Variants in ADGRL2 observed in about 807,000 individuals in gnomAD.
ADGRL2 encodes adhesion G protein-coupled receptor L2, also known as calcium-independent alpha-latrotoxin receptor 2.
Under a neutral mutation model 157.4 loss-of-function variants are expected in ADGRL2, and 44 were observed. The observed-to-expected ratio is 0.28, with a 90% CI of 0.22 to 0.36. The LOEUF (loss-of-function observed/expected upper bound fraction) is 0.36. Among genes scored for constraint, ADGRL2 ranks in the 10% least tolerant of loss-of-function variants. The pLI, the probability that ADGRL2 is intolerant of heterozygous loss-of-function variation, is 1.00. For synonymous variants in ADGRL2, 585 were observed against 624.7 expected, an observed-to-expected ratio of 0.94 and a Z score of 0.95; for missense variants, 1,510 against 1,768.9, an observed-to-expected ratio of 0.85 and a Z score of 2.63.
At chr1:81,356,449 T>G (rs1228623376) in intron 1 of ADGRL2, among the ~76,000 whole-genome samples, 1 of 152,206 alleles carries the variant, frequency 6.6e-6, no homozygotes, top group Non-Finnish European at 1.5e-5. Flanking sequence ...AACTAACTTT[T>G]TTTTTGTAAG....
At chr1:81,853,454 CT>C (rs2093089381) in intron 2 of ADGRL2, among the ~76,000 whole-genome samples, 1 of 152,116 alleles carries the variant, frequency 6.6e-6, no homozygotes, top group Admixed American at 6.6e-5. Flanking sequence ...GTTTTACCCC[CT>C]AATGTCCTGA....
intron 2 of ADGRL2, among the ~76,000 whole-genome samples, chr1:81,853,953 T>C (rs934258148): frequency 6.6e-6 from 1 of 152,174 alleles, no homozygotes; most frequent in Admixed American, 6.6e-5. Context: ...TTTAATAAGT[T>C]GGATCACAGA....
At chr1:81,519,011 G>A (rs1401650840) in intron 2 of ADGRL2, among the ~76,000 whole-genome samples, 2 of 151,950 alleles carry the variant, frequency 1.3e-5, no homozygotes, top group African/African-American at 2.4e-5. Flanking sequence ...ATTTCCCTAT[G>A]TATTTACTCA....
At chr1:81,315,955 G>A (rs1660075994) in intron 1 of ADGRL2, among the ~76,000 whole-genome samples, 1 of 152,014 alleles carries the variant, frequency 6.6e-6, no homozygotes, top group Admixed American at 6.6e-5. Flanking sequence ...TAAGTTCTGA[G>A]ACATTGACAT....
intron 2 of ADGRL2, among the ~76,000 whole-genome samples, chr1:81,458,898 C>T (rs577589238): frequency 1.1e-4 from 16 of 152,300 alleles, no homozygotes; most frequent in East Asian, 7.7e-4. Context: ...CAGCAAGTTC[C>T]GGATTCTTGT....
intron 3 of ADGRL2, among the ~76,000 whole-genome samples, chr1:81,924,764 C>A (rs2095066412): frequency 6.6e-6 from 1 of 152,002 alleles, no homozygotes; most frequent in South Asian, 2.1e-4. Flanking sequence ...TACTATAATT[C>A]CAGACCTGTC....
chr1:81,802,734 A>G (rs1014043249), intron 1 of ADGRL2, among the ~76,000 whole-genome samples: 1 of 152,012 alleles, frequency 6.6e-6, no homozygotes, highest in Admixed American at 6.5e-5. Flanking sequence ...CCGGTCCCGC[A>G]CTGTAAGTGG....
At chr1:81,890,206 G>A (rs1246675366) in intron 2 of ADGRL2, among the ~76,000 whole-genome samples, 1 of 152,050 alleles carries the variant, frequency 6.6e-6, no homozygotes, top group Non-Finnish European at 1.5e-5. Context: ...CAGATAGAAG[G>A]GCATTCCAAG....
intron 2 of ADGRL2, among the ~76,000 whole-genome samples, chr1:81,467,866 A>T (rs1353250219): frequency 1.5e-5 from 2 of 132,220 alleles, no homozygotes; most frequent in Non-Finnish European, 3.1e-5. Flanking sequence ...AATGTTAAAA[A>T]TGTTATGAAG....
intron 3 of ADGRL2, among the ~76,000 whole-genome samples, chr1:81,917,031 C>G (rs2094873390): frequency 6.6e-6 from 1 of 151,610 alleles, no homozygotes; most frequent in Admixed American, 6.6e-5. Context: ...CATGGTCTCA[C>G]TATGTTGCCC....
chr1:81,465,335 T>A (rs952066797), intron 2 of ADGRL2, among the ~76,000 whole-genome samples: 3 of 152,182 alleles, frequency 2.0e-5, no homozygotes, highest in Non-Finnish European at 4.4e-5. Flanking sequence ...AAATTAGATA[T>A]CAGAAATTAA....
chr1:81,533,650 T>C (rs2079659980), intron 2 of ADGRL2, among the ~76,000 whole-genome samples: 1 of 152,190 alleles, frequency 6.6e-6, no homozygotes, highest in African/African-American at 2.4e-5. Context: ...AGCATTTAGA[T>C]TAATTTTATC....
In ADGRL2 at chr1:81,742,434, T is replaced by A. The variant is rs187366491; in HGVS notation, c.-142-19377T>A. The stretch of plus-strand genomic sequence containing the variant: ...GAAAACATTTCAATTTTCAAATCCA[T>A]CCCTTTACTATCATACTTTAGACTA... On this transcript the variant is annotated intron_variant, in intron 1 of 20. Coordinates refer to the ADGRL2 transcript ENST00000359929. 2.6e-3 allele frequency among the ~76,000 whole-genome samples: 398 copies of A among 152,144 alleles called. 9 individuals are homozygous for A. The highest frequency in any genetic ancestry group is 0.024 in the Admixed American group (367 of 15,268).
intron 2 of ADGRL2, chr1:81,501,749 T>C: frequency 6.2e-7 from 1 of 1,610,666 alleles, no homozygotes; most frequent in Non-Finnish European, 8.5e-7. Context: ...TGCCACTCTG[T>C]GGGTGAAGCT....
chr1:81,987,831 C>G (rs769669051), intron 22 of ADGRL2, 38 bp from the exon 23 acceptor site: 1 of 300,832 alleles, frequency 3.3e-6, no homozygotes, highest in Non-Finnish European at 7.0e-6. Flanking sequence ...TCTTTTCATT[C>G]TCTTGTTTTT....
intron 3 of ADGRL2, among the ~76,000 whole-genome samples, chr1:81,641,837 G>A (rs2082224353): frequency 6.6e-6 from 1 of 151,916 alleles, no homozygotes; most frequent in Non-Finnish European, 1.5e-5. Context: ...CATTAGAGCA[G>A]AAATTAATCA....
intron 6 of ADGRL2, among the ~76,000 whole-genome samples, chr1:81,947,533 A>T (rs1325094793): frequency 6.6e-6 from 1 of 152,164 alleles, no homozygotes; most frequent in Non-Finnish European, 1.5e-5. Flanking sequence ...TATAGTACCT[A>T]CTTCATGGAG....
At chr1:81,454,033 GC>G (rs2077752079) in intron 2 of ADGRL2, among the ~76,000 whole-genome samples, 1 of 152,146 alleles carries the variant, frequency 6.6e-6, no homozygotes, top group Non-Finnish European at 1.5e-5. Flanking sequence ...GACTTAAGGT[GC>G]CGGCAAATAA....
intron 2 of ADGRL2, among the ~76,000 whole-genome samples, chr1:81,536,417 A>C (rs928166400): frequency 1.3e-5 from 2 of 152,150 alleles, no homozygotes; most frequent in Non-Finnish European, 2.9e-5. Flanking sequence ...GATTTCTCCT[A>C]TTTATTTACC....
Sources: gnomAD v4.1 joint callset for allele counts (sites outside exome capture counted in the v4.1 genomes callset) on GRCh38, gnomAD v4.1.1 for gene constraint, MANE v1.5 for transcripts, NCBI Gene and HGNC (gene_info 2026-07-23, HGNC 2026-07-21) for gene names.